Variants in PPM1B observed in about 807,000 individuals in gnomAD.
The protein encoded by PPM1B is protein phosphatase 1B.
Under a neutral mutation model 43.0 loss-of-function variants are expected in PPM1B, and 22 were observed. That is an observed-to-expected ratio of 0.51 (90% CI 0.37 to 0.73). The LOEUF (loss-of-function observed/expected upper bound fraction) is 0.73, where lower values mean the gene tolerates loss of function less well. Among genes scored for constraint, PPM1B ranks in the 30% least tolerant of loss-of-function variants. The pLI is 0.00. For synonymous variants in PPM1B, 217 were observed against 197.9 expected, an observed-to-expected ratio of 1.10 and a Z score of -0.81; for missense variants, 632 against 584.2, an observed-to-expected ratio of 1.08 and a Z score of -0.84.
intron 1 of PPM1B, among the ~76,000 whole-genome samples, chr2:44,193,798 C>T (rs1231724287): frequency 2.0e-5 from 3 of 152,104 alleles, no homozygotes; most frequent in South Asian, 2.1e-4. Flanking sequence ...AGGCTGGTCT[C>T]GAACTCCTGA....
intron 1 of PPM1B, among the ~76,000 whole-genome samples, chr2:44,182,653 A>C (rs1667936641): frequency 6.6e-6 from 1 of 151,780 alleles, no homozygotes; most frequent in South Asian, 2.1e-4. Flanking sequence ...TTTTCTCTTT[A>C]GTTTGTTTTG....
At chr2:44,170,810 T>G (rs1572672420) in intron 1 of PPM1B, among the ~76,000 whole-genome samples, 1 of 152,196 alleles carries the variant, frequency 6.6e-6, no homozygotes, top group African/African-American at 2.4e-5. Flanking sequence ...AAGGAAATGT[T>G]TTTGTAGGTC....
Position 44,223,814 on chromosome 2 carries a change from T to TAA in PPM1B, c.1134+5306_1134+5307dup, listed in dbSNP as rs58530902. ...CTGGGCAACAGAGTGGGACTCTGTC[T>TAA]AAAAAAAAAAAAAAAAAAAAAAAAA... On this transcript the variant is annotated intron_variant, in intron 5 of 5. Transcript: ENST00000282412. Among the ~76,000 whole-genome samples, 199 of 36,050 alleles carry TAA rather than the reference T, an allele frequency of 5.5e-3. 9 individuals carry two copies. Among genetic ancestry groups the TAA allele is most frequent in the African/African-American group, 0.011 (111 of 9,654 alleles). The allele number at this position is 36,050 out of a possible 152,430, so 23.7% of individuals were successfully genotyped here.
At chr2:44,229,898 A>G (rs1572759304) in intron 5 of PPM1B, 1 of 1,173,562 alleles carries the variant, frequency 8.5e-7, no homozygotes, top group Non-Finnish European at 1.2e-6. Flanking sequence ...AAGAGCAAAA[A>G]GTAAATACAA....
At chr2:44,235,716 C>G (rs1670590756), downstream of PPM1B, among the ~76,000 whole-genome samples, 1 of 150,798 alleles carries the variant, frequency 6.6e-6, no homozygotes, top group Non-Finnish European at 1.5e-5. Context: ...GACAACATAG[C>G]AAGACCTGGT....
intron 1 of PPM1B, among the ~76,000 whole-genome samples, chr2:44,174,827 T>C (rs2103995123): frequency 6.6e-6 from 1 of 152,360 alleles, no homozygotes; most frequent in East Asian, 1.9e-4. Context: ...TAGGAGAATC[T>C]AGAAGTGTCA....
chr2:44,233,677 A>G, downstream of PPM1B: 4 of 985,758 alleles, frequency 4.1e-6, no homozygotes, highest in Non-Finnish European at 4.8e-6. Context: ...AATTCATGGT[A>G]TTTTCTGTAA....
chr2:44,171,139 T>G (rs535861926), intron 1 of PPM1B, among the ~76,000 whole-genome samples: 2 of 152,352 alleles, frequency 1.3e-5, no homozygotes, highest in African/African-American at 4.8e-5. Context: ...TTGAAGTGAT[T>G]GTTCTCTTTG....
chr2:44,180,543 T>C (rs1330662167), intron 1 of PPM1B, among the ~76,000 whole-genome samples: 1 of 152,212 alleles, frequency 6.6e-6, no homozygotes. Flanking sequence ...TCTCTGCCAA[T>C]TTAATATTTC....
downstream of PPM1B, chr2:44,232,304 C>G (rs573613648): frequency 6.2e-7 from 1 of 1,601,652 alleles, no homozygotes; most frequent in Non-Finnish European, 8.5e-7. Flanking sequence ...TCTTCCTTTT[C>G]TCTTCCTGTA....
intron 1 of PPM1B, among the ~76,000 whole-genome samples, chr2:44,179,279 GCA>G (rs1172913696): frequency 6.6e-6 from 1 of 152,188 alleles, no homozygotes; most frequent in South Asian, 2.1e-4. Context: ...TTTGTAAATT[GCA>G]CAGTCTTGGG....
chr2:44,221,514 G>C (rs1023946910), intron 5 of PPM1B, among the ~76,000 whole-genome samples: 5 of 152,160 alleles, frequency 3.3e-5, no homozygotes, highest in African/African-American at 9.7e-5. Context: ...GTTAACTTGC[G>C]GGGTGGGAAA....
intron 2 of PPM1B, among the ~76,000 whole-genome samples, chr2:44,203,638 A>G (rs1209176232): frequency 1.3e-5 from 2 of 152,140 alleles, no homozygotes; most frequent in Non-Finnish European, 2.9e-5. Flanking sequence ...GTATTTTTAT[A>G]AAACCGAGAT....
At position 44,218,638 on chromosome 2, in the gene PPM1B, C is replaced by G. The variant is rs1233247283; in HGVS notation, c.1134+101C>G. On this transcript the variant is annotated intron_variant, in intron 5 of 5. Coordinates refer to ENST00000282412, the MANE Select transcript of PPM1B (RefSeq NM_002706.6). The stretch of plus-strand genomic sequence containing the variant: ...AACGAAGTCTATAATAAATTATAGT[C>G]TGTAGTAAATTACTACTGCTTTTCA... 4.3e-5 allele frequency: 35 copies of G among 812,674 alleles called. 1 individual carries two copies. Among genetic ancestry groups the G allele is most frequent in the Non-Finnish European group, 6.0e-5 (31 of 518,764 alleles). The allele number at this position is 812,674 out of a possible 1,614,324, so 50.3% of individuals were successfully genotyped here.
At chr2:44,214,080 T>C (rs1201441997) in intron 3 of PPM1B, among the ~76,000 whole-genome samples, 1 of 152,084 alleles carries the variant, frequency 6.6e-6, no homozygotes, top group African/African-American at 2.4e-5. Flanking sequence ...ACACCAACCA[T>C]AGAGTTTTTT....
At chr2:44,189,949 A>G (rs1668324662) in intron 1 of PPM1B, among the ~76,000 whole-genome samples, 2 of 152,260 alleles carry the variant, frequency 1.3e-5, no homozygotes, top group South Asian at 4.1e-4. Flanking sequence ...GGGAGGGATT[A>G]GAGATAAATG....
intron 1 of PPM1B, among the ~76,000 whole-genome samples, chr2:44,170,702 C>T (rs1365777948): frequency 2.6e-5 from 4 of 152,164 alleles, no homozygotes; most frequent in African/African-American, 9.7e-5. Flanking sequence ...TGGGGCATTT[C>T]TAAGTAAATA....
intron 1 of PPM1B, among the ~76,000 whole-genome samples, chr2:44,171,210 A>G (rs148331660): frequency 6.6e-6 from 1 of 152,058 alleles, no homozygotes; most frequent in East Asian, 1.9e-4. Context: ...TTCTGTGAAG[A>G]CTCTAGGAAT....
chr2:44,204,211 A>T (rs571760957), intron 2 of PPM1B, among the ~76,000 whole-genome samples: 78 of 152,362 alleles, frequency 5.1e-4, no homozygotes, highest in African/African-American at 1.8e-3. Flanking sequence ...GGAAACCTTC[A>T]TTTCTGTTTA....
Sources: gnomAD v4.1 joint callset for allele counts (sites outside exome capture counted in the v4.1 genomes callset) on GRCh38, gnomAD v4.1.1 for gene constraint, MANE v1.5 for transcripts, NCBI Gene and HGNC (gene_info 2026-07-23, HGNC 2026-07-21) for gene names.